Variants in POC1B observed in about 807,000 individuals in gnomAD.
POC1B encodes POC1 centriolar protein B, also known as POC1 centriolar protein homolog B.
POC1B carries 44 observed loss-of-function variants against 60.6 expected under a neutral mutation model. That is an observed-to-expected ratio of 0.73 (90% confidence interval 0.57 to 0.93). The LOEUF is 0.93. Among genes scored for constraint, POC1B ranks in the 40% least tolerant of loss-of-function variants. POC1B has a pLI of 0.00. For synonymous variants in POC1B, 180 were observed against 198.9 expected, an observed-to-expected ratio of 0.90 and a Z score of 0.80; for missense variants, 555 against 572.3, an observed-to-expected ratio of 0.97 and a Z score of 0.31.
chr12:89,523,579 A>C (rs1264093133), intron 2 of POC1B: 11 of 1,578,700 alleles, frequency 7.0e-6, no homozygotes, highest in Non-Finnish European at 9.4e-6. Flanking sequence ...ATACGTTCCA[A>C]GGTACTGAAA....
At chr12:89,507,955 T>C (rs781301033) in intron 2 of POC1B, among the ~76,000 whole-genome samples, 1 of 152,228 alleles carries the variant, frequency 6.6e-6, no homozygotes, top group Non-Finnish European at 1.5e-5. Context: ...TACGTATCTT[T>C]TCAGTTGGTA....
At chr12:89,482,066 C>T (rs1592617231) in intron 4 of POC1B, among the ~76,000 whole-genome samples, 1 of 152,128 alleles carries the variant, frequency 6.6e-6, no homozygotes, top group Non-Finnish European at 1.5e-5. Flanking sequence ...AATCACAGGA[C>T]ATATGAAGCA....
chr12:89,509,131 T>C (rs560472584), intron 2 of POC1B, among the ~76,000 whole-genome samples: 19 of 152,368 alleles, frequency 1.2e-4, no homozygotes, highest in African/African-American at 4.6e-4. Flanking sequence ...TAATGAATAT[T>C]TTAAAAATGT....
At chr12:89,435,932 GT>G (rs1046219300) in intron 10 of POC1B, among the ~76,000 whole-genome samples, 10 of 150,570 alleles carry the variant, frequency 6.6e-5, no homozygotes, top group Non-Finnish European at 4.4e-5. Flanking sequence ...TAAGCAGGAA[GT>G]TTTTTTCTTG....
At chr12:89,425,095 T>G in intron 11 of POC1B, 66 bp downstream of exon 11, 2 of 1,501,550 alleles carry the variant, frequency 1.3e-6, no homozygotes, top group Middle Eastern at 3.9e-4. Context: ...TGCAACTTGC[T>G]GTATCCAGAA....
At chr12:89,511,029 C>G (rs867894910) in intron 2 of POC1B, among the ~76,000 whole-genome samples, 1 of 151,944 alleles carries the variant, frequency 6.6e-6, no homozygotes, top group Non-Finnish European at 1.5e-5. Context: ...TGCTGGGATA[C>G]AGGCGTGAGC....
chr12:89,445,627 A>T (rs1034573614), intron 10 of POC1B, among the ~76,000 whole-genome samples: 4 of 152,210 alleles, frequency 2.6e-5, no homozygotes, highest in Admixed American at 2.0e-4. Context: ...TAAAGACTTA[A>T]ATGTTACACC....
At chr12:89,442,268 C>A (rs1881559061) in intron 10 of POC1B, among the ~76,000 whole-genome samples, 1 of 152,162 alleles carries the variant, frequency 6.6e-6, no homozygotes, top group Non-Finnish European at 1.5e-5. Flanking sequence ...CACAAAGATA[C>A]TCCTTAAGAA....
At chr12:89,407,148 C>CAAAAAAAAAAAAA in the POC1B span, among the ~76,000 whole-genome samples, 1 of 63,386 alleles carries the variant, frequency 1.6e-5, no homozygotes, top group Non-Finnish European at 2.8e-5. Flanking sequence ...GACTCCGTCT[C>CAAAAAAAAAAAAA]AAAAAAAAAA....
intron 11 of POC1B, among the ~76,000 whole-genome samples, chr12:89,421,859 A>C (rs1322799356): frequency 6.6e-6 from 1 of 152,218 alleles, no homozygotes; most frequent in Non-Finnish European, 1.5e-5. Context: ...AGTGTTGGAC[A>C]CACACGGTTT....
rs763392838 is a variant in POC1B at position 89,491,930 on chromosome 12, A to G, written c.452+6T>C. 17 of 1,484,008 alleles carry G rather than the reference A, an allele frequency of 1.1e-5. No individual in the cohort carries two copies. The highest frequency in any genetic ancestry group is 8.1e-6 in the Non-Finnish European group (9 of 1,114,748). The allele number at this position is 1,484,008 out of a possible 1,614,324, so 91.9% of individuals were successfully genotyped here. A position where few individuals can be genotyped will look rare whatever the true frequency, so the allele number is the denominator to read the frequency against. On this transcript the variant is annotated splice_donor_region_variant and intron_variant, in intron 4 of 11. Transcript: ENST00000313546. ...GACATCTTAATATGAAATTTTTTGC[A>G]CTTACTTGGCACAGCGTACCCAGTG...
At chr12:89,507,133 C>G (rs889189582) in intron 2 of POC1B, among the ~76,000 whole-genome samples, 14 of 151,666 alleles carry the variant, frequency 9.2e-5, no homozygotes, top group African/African-American at 3.1e-4. Context: ...ATTAGCTGGG[C>G]ATGGTGACCT....
intron 10 of POC1B, among the ~76,000 whole-genome samples, chr12:89,436,930 C>A (rs561215154): frequency 6.6e-6 from 1 of 152,272 alleles, no homozygotes; most frequent in African/African-American, 2.4e-5. Flanking sequence ...GTACTGGATG[C>A]TCCACACCCA....
At chr12:89,441,703 G>A (rs2120725752) in intron 10 of POC1B, among the ~76,000 whole-genome samples, 2 of 152,356 alleles carry the variant, frequency 1.3e-5, no homozygotes, top group Middle Eastern at 6.8e-3. Context: ...AAAAATCAGA[G>A]TGCCTCTTCT....
intron 2 of POC1B, chr12:89,522,775 A>G: frequency 6.6e-7 from 1 of 1,526,368 alleles, no homozygotes; most frequent in East Asian, 2.3e-5. Flanking sequence ...GACTTTCTTG[A>G]CACTACTGTC....
At chr12:89,429,390 A>T (rs1371691277) in intron 10 of POC1B, 3 of 152,170 alleles carry the variant, frequency 2.0e-5, no homozygotes, top group Admixed American at 6.5e-5. Flanking sequence ...AGTGAGATGC[A>T]CAGCATGGGG....
chr12:89,415,642 CAAAAA>C (rs35705271), downstream of POC1B, among the ~76,000 whole-genome samples: 1 of 124,232 alleles, frequency 8.0e-6, no homozygotes, highest in African/African-American at 2.8e-5. Flanking sequence ...GACTCCGTCT[CAAAAA>C]AAAAAAAAAT....
At position 89,511,220 on chromosome 12, in the gene POC1B, C is replaced by T. The variant is rs193155380; in HGVS notation, c.101-13878G>A. On this transcript the variant is annotated intron_variant, in intron 2 of 11. Transcript: ENST00000313546. ...GGTAGATCACCTGAGGTCAGGAGTT[C>T]GAGACCAGCCTGGACAACATGGTGA... 2.0e-3 allele frequency among the ~76,000 whole-genome samples: 299 copies of T among 151,414 alleles called. 2 individuals are homozygous for T. Among genetic ancestry groups the T allele is most frequent in the African/African-American group, 6.6e-3 (273 of 41,286 alleles).
chr12:89,404,328 T>C, the POC1B span, among the ~76,000 whole-genome samples: 23 of 152,150 alleles, frequency 1.5e-4, no homozygotes, highest in Non-Finnish European at 2.4e-4. Context: ...CTGGTCCATT[T>C]ATGGGCTCAT....
Sources: allele counts gnomAD v4.1 joint callset (sites outside exome capture counted in the v4.1 genomes callset), GRCh38; gene constraint gnomAD v4.1.1; transcripts MANE v1.5; gene names NCBI Gene and HGNC (gene_info 2026-07-23, HGNC 2026-07-21).